RNF123: variants seen among roughly 807,000 people sequenced by gnomAD.
RNF123 encodes E3 ubiquitin-protein ligase RNF123.
In RNF123, 86 loss-of-function variants were observed where a neutral mutation model predicts 168.5. The observed-to-expected ratio is 0.51, with a 90% CI of 0.43 to 0.61. The LOEUF (loss-of-function observed/expected upper bound fraction) is 0.61. Among genes scored for constraint, RNF123 ranks in the 20% least tolerant of loss-of-function variants. The pLI, the probability that RNF123 is intolerant of heterozygous loss-of-function variation, is 0.00. For missense variants in RNF123, 1,419 were observed against 1,729.7 expected, an observed-to-expected ratio of 0.82 and a Z score of 3.19; for synonymous variants, 666 against 689.1, an observed-to-expected ratio of 0.97 and a Z score of 0.52.
intron 19 of RNF123, 89 bp downstream of exon 19, chr3:49,702,494 C>T: frequency 1.9e-6 from 3 of 1,598,896 alleles, no homozygotes; most frequent in Middle Eastern, 1.7e-4. Context: ...CGGACTGCCT[C>T]ATCCCTGCCT....
chr3:49,715,684 CTTCTCTGAA>C lies in RNF123; in HGVS notation c.3124_3132del (p.Ser1042_Phe1044del), dbSNP rs1427703794. Reference sequence around the variant, plus strand: ...GCGTCCTCAATCAGCTCAACTGGGCCTTCTCTGAATTCATTGGCATGATCCAAGAGGTGG... The same window carrying C: ...GCGTCCTCAATCAGCTCAACTGGGCCTTCATTGGCATGATCCAAGAGGTGG... On this transcript the variant is annotated inframe_deletion, in exon 32 of 39. Coordinates refer to ENST00000327697, the MANE Select transcript of RNF123 (RefSeq NM_022064.5). The C allele has an allele frequency of 1.9e-6, 3 of 1,614,228 alleles. No individual in the cohort carries two copies.
rs748236977 is a variant in RNF123, at chr3:49,715,590, C to T, written c.3026C>T (p.Thr1009Ile). ...LPSLQKPCPS[T>I]LLQQHMADLL... ...CCCCCTGCAGAGCCCTGCCCTTCCACCCTGCTGCAGCAGCACATGGCGGAC... is the reference window on the plus strand; with the variant it reads ...CCCCCTGCAGAGCCCTGCCCTTCCATCCTGCTGCAGCAGCACATGGCGGAC... Residue 1009 changes from threonine to isoleucine, a missense_variant, in exon 32 of 39, where the codon ACC (threonine) becomes ATC (isoleucine). Around this residue, in one of 5 missense-constraint regions of RNF123, gnomAD observed 538 missense variants for 708.8 expected, o/e 0.76. Coordinates refer to ENST00000327697, the MANE Select transcript of RNF123 (RefSeq NM_022064.5). 1 of 1,614,092 alleles carries T rather than the reference C, an allele frequency of 6.2e-7. No individual in the cohort carries two copies. The highest frequency in any genetic ancestry group is 1.1e-5 in the South Asian group (1 of 91,084).
At chr3:49,691,615 G>C (rs2054168465) in intron 3 of RNF123, 106 bp downstream of exon 3, 1 of 895,932 alleles carries the variant, frequency 1.1e-6, no homozygotes, top group Non-Finnish European at 1.8e-6. Context: ...ATAGGCTTAG[G>C]CTCTGTTCTC....
Position 49,702,093 on chromosome 3 carries a change from A to G in RNF123, c.1506A>G (p.Glu502=), listed in dbSNP as rs762874728. Residue 502 remains glutamate, a synonymous_variant, in exon 18 of 39, where the codon GAA becomes GAG. Transcript: ENST00000327697. ...TCACCTGACCTCCAGTGGTGGAAGA[A>G]CTACAGGTCCAGATCCTGAAGCTGC... ...RLRKRIEVVE[E]LQVQILKLLL... 7.4e-6 allele frequency: 12 copies of G among 1,614,016 alleles called. No homozygotes were observed. The South Asian group carries it at 8.8e-5, about 12-fold the overall frequency.
At chr3:49,696,970 A>G in intron 3 of RNF123, 173 bp from the exon 4 acceptor site, 2 of 656,166 alleles carry the variant, frequency 3.0e-6, no homozygotes, top group Non-Finnish European at 5.6e-6. Flanking sequence ...TTTTGAGTTT[A>G]GTGGAGAATT....
intron 26 of RNF123, among the ~76,000 whole-genome samples, chr3:49,710,057 A>G (rs1449498250): frequency 6.6e-6 from 1 of 151,158 alleles, no homozygotes; most frequent in African/African-American, 2.4e-5. Flanking sequence ...CCAGTTGTCA[A>G]ACTCCTGGGT....
chr3:49,704,280 A>G (rs551975606), intron 21 of RNF123, among the ~76,000 whole-genome samples: 4 of 152,204 alleles, frequency 2.6e-5, no homozygotes, highest in African/African-American at 9.6e-5. Flanking sequence ...CCTTTTGTTT[A>G]TGGAGTAGTC....
intron 3 of RNF123, chr3:49,696,906 A>C: frequency 2.1e-6 from 1 of 474,596 alleles, no homozygotes; most frequent in Non-Finnish European, 4.0e-6. Context: ...TCGGCCTCCC[A>C]AAGTGCTGGG....
At chr3:49,718,493 G>C in intron 35 of RNF123, 2 of 1,613,098 alleles carry the variant, frequency 1.2e-6, no homozygotes, top group Non-Finnish European at 1.7e-6. Context: ...CTGCCATCGC[G>C]GGATCCTGGC....
rs1251549213 is a variant in RNF123 at position 49,714,104 on chromosome 3, G to A, written c.2940G>A (p.Gly980=). The change falls in exon 31 of 39, where the codon GGG becomes GGA. Residue 980 remains glycine, a synonymous_variant. Coordinates refer to ENST00000327697, the MANE Select transcript of RNF123 (RefSeq NM_022064.5). ...LVRLWRGCGF[G]YRYTRLPHLL... The stretch of plus-strand genomic sequence containing the variant: ...CACCTCCACAGGGCTGTGGCTTCGG[G>A]TACCGCTATACACGGCTGCCACATC... 4.3e-6 allele frequency: 7 copies of A among 1,614,114 alleles called. No homozygotes were observed. The highest frequency in any genetic ancestry group is 5.1e-6 in the Non-Finnish European group (6 of 1,180,038).
chr3:49,703,189 TA>T, intron 20 of RNF123, among the ~76,000 whole-genome samples: 1 of 152,246 alleles, frequency 6.6e-6, no homozygotes, highest in Admixed American at 6.5e-5. Flanking sequence ...CTGCCATGAG[TA>T]CCCCCATCAC....
intron 5 of RNF123, 140 bp from the exon 6 acceptor site, chr3:49,697,745 C>T: frequency 9.7e-7 from 1 of 1,027,140 alleles, no homozygotes; most frequent in Non-Finnish European, 1.5e-6. Flanking sequence ...CCCGCTCCCA[C>T]CGTCCTCAGG....
rs758491355 is a variant in RNF123 at position 49,718,024 on chromosome 3, G to C, written c.3500+1547G>C. ...GCCAGCCTTCAGCTGCAGGCCTCCA[G>C]GGTTGTAGAGATCGAATTCCTCAGC... On this transcript the variant is annotated intron_variant, in intron 35 of 38. Transcript: ENST00000327697. 10 of 1,613,708 alleles carry C rather than the reference G, an allele frequency of 6.2e-6. No individual in the cohort carries two copies. The South Asian group carries it at 1.1e-4, about 18-fold the overall frequency.
rs765737458 is a variant in RNF123 at position 49,716,394 on chromosome 3, C to T, written c.3417C>T (p.Gly1139=). 1.6e-5 allele frequency: 26 copies of T among 1,613,710 alleles called. No homozygotes were observed. The highest frequency in any genetic ancestry group is 1.6e-4 in the Middle Eastern group (1 of 6,082). ...FDRVVTLRLP[G]LESVDHYPIL... Reference sequence around the variant, plus strand: ...TCTCTTTCCTCCCCTTCCCCTCAGGCCTAGAGAGCGTGGACCACTATCCCA... The same window carrying T: ...TCTCTTTCCTCCCCTTCCCCTCAGGTCTAGAGAGCGTGGACCACTATCCCA... Residue 1139 remains glycine (G), a splice_region_variant and synonymous_variant, in exon 35 of 39, where the codon GGC becomes GGT. Coordinates refer to ENST00000327697, the MANE Select transcript of RNF123 (RefSeq NM_022064.5).
At chr3:49,703,587 A>C (rs2054453400) in intron 21 of RNF123, 59 bp downstream of exon 21, 6 of 1,404,246 alleles carry the variant, frequency 4.3e-6, no homozygotes, top group Non-Finnish European at 6.0e-6. Flanking sequence ...ACTGTCCCTG[A>C]GCCTGCTCTG....
chr3:49,707,910 C>T (rs1035472376), intron 26 of RNF123, among the ~76,000 whole-genome samples: 3 of 152,146 alleles, frequency 2.0e-5, no homozygotes, highest in Non-Finnish European at 2.9e-5. Context: ...CCTCTCATCT[C>T]TCTGCCTTTT....
At chr3:49,713,482 A>C (rs1370015680) in intron 27 of RNF123, 31 bp from the exon 28 acceptor site, 1 of 1,578,104 alleles carries the variant, frequency 6.3e-7, no homozygotes, top group East Asian at 2.3e-5. Flanking sequence ...CCCCACTCCC[A>C]GCCGACACGT....
chr3:49,720,502 C>G lies in RNF123; in HGVS notation c.3501-9C>G. On this transcript the variant is annotated splice_polypyrimidine_tract_variant and intron_variant, in intron 35 of 38. Coordinates refer to ENST00000327697, the MANE Select transcript of RNF123 (RefSeq NM_022064.5). Reference sequence around the variant, plus strand: ...CCTTCTGACTGCCCTTGCACCCTCCCCTACCTAGGAGAGAGCAAGCCACAT... The same window carrying G: ...CCTTCTGACTGCCCTTGCACCCTCCGCTACCTAGGAGAGAGCAAGCCACAT... 6 of 1,554,526 alleles carry G rather than the reference C, an allele frequency of 3.9e-6. No individual in the cohort carries two copies. Among genetic ancestry groups the G allele is most frequent in the Non-Finnish European group, 5.2e-6 (6 of 1,148,832 alleles).
intron 36 of RNF123, 33 bp from the exon 37 acceptor site, chr3:49,720,767 A>C (rs1332733453): frequency 6.2e-7 from 1 of 1,612,848 alleles, no homozygotes; most frequent in Admixed American, 1.7e-5. Flanking sequence ...ATCCTCAGCT[A>C]CCTCTGACTT....
Sources: allele counts gnomAD v4.1 joint callset (sites outside exome capture counted in the v4.1 genomes callset), GRCh38; gene constraint gnomAD v4.1.1; regional missense constraint gnomAD v4.1.1; transcripts MANE v1.5; gene names NCBI Gene and HGNC (gene_info 2026-07-23, HGNC 2026-07-21).